The following PMS2 variants were observed in gnomAD, a reference collection of about 807,000 sequenced individuals.
The protein encoded by PMS2 is mismatch repair endonuclease PMS2.
A neutral mutation model predicts 90.0 loss-of-function variants in PMS2; 69 were observed. The ratio of observed to expected loss-of-function variants is 0.77; its 90% CI spans 0.63 to 0.94. The LOEUF is 0.94. Among genes scored for constraint, PMS2 ranks in the 40% least tolerant of loss-of-function variants. The pLI, the probability that PMS2 is intolerant of heterozygous loss-of-function variation, is 0.00. For synonymous variants in PMS2, 332 were observed against 375.1 expected, an observed-to-expected ratio of 0.89 and a Z score of 1.33; for missense variants, 966 against 1,040.2, an observed-to-expected ratio of 0.93 and a Z score of 0.98.
intron 4 of PMS2, 56 bp from the exon 5 acceptor site, chr7:6,002,692 C>G (rs1182103076): frequency 7.6e-7 from 1 of 1,312,752 alleles, no homozygotes; most frequent in African/African-American, 1.4e-5. Flanking sequence ...ATGTTGGGCA[C>G]TGACTACTCT....
At position 5,986,968 on chromosome 7, in the gene PMS2, G is replaced by A. The variant is rs1261280629; in HGVS notation, c.1797C>T (p.Asp599=). The part of the protein sequence containing the change: ...DICQKLVNTQ[D]MSASQVDVAV... ...CTACATCAACCTGAGAGGCTGACAT[G>A]TCCTGAGTATTTACTAACTTTTGAC... The change falls in exon 11 of 15, where the codon GAC becomes GAT. Residue 599 remains aspartate, a synonymous_variant. Coordinates refer to ENST00000265849, the MANE Select transcript of PMS2 (RefSeq NM_000535.7). 1 of 1,613,760 alleles carries A rather than the reference G, an allele frequency of 6.2e-7. No individual in the cohort carries two copies.
At chr7:5,994,332 A>C (rs936862635) in intron 8 of PMS2, among the ~76,000 whole-genome samples, 4 of 150,596 alleles carry the variant, frequency 2.7e-5, no homozygotes, top group African/African-American at 9.8e-5. Flanking sequence ...AGTGAGCCAA[A>C]ATCGCACCAT....
At chr7:5,988,975 C>A (rs541537115) in intron 10 of PMS2, among the ~76,000 whole-genome samples, 2 of 152,054 alleles carry the variant, frequency 1.3e-5, no homozygotes, top group Non-Finnish European at 2.9e-5. Flanking sequence ...CCTGAGTCAG[C>A]CTCCTGAGTA....
In PMS2 at chr7:5,999,420, G is replaced by A. The variant is rs1476001892; in HGVS notation, c.538-145C>T. The A allele has an allele frequency of 1.2e-5, 9 of 782,404 alleles. No individual in the cohort carries two copies. The African/African-American group carries it at 1.4e-4, about 12-fold the overall frequency. 48.5% of individuals were successfully genotyped at this position (782,404 alleles called of 1,614,324 possible). On this transcript the variant is annotated intron_variant, in intron 5 of 14. Transcript: ENST00000265849. ...TGTTGACAGAATGATCTGTAAAGAG[G>A]TGTCTTCCTATATTCTACAGAAAGG...
intron 2 of PMS2, among the ~76,000 whole-genome samples, chr7:6,005,069 T>C (rs1785577877): frequency 6.6e-6 from 1 of 152,132 alleles, no homozygotes; most frequent in African/African-American, 2.4e-5. Context: ...CACATCTGGC[T>C]AATTTTTGTA....
chr7:5,988,542 G>A (rs1199129872), intron 10 of PMS2, among the ~76,000 whole-genome samples: 2 of 152,044 alleles, frequency 1.3e-5, no homozygotes, highest in Non-Finnish European at 2.9e-5. Flanking sequence ...CAGCCTGGGC[G>A]ACAGAGTGAG....
chr7:5,998,786 T>C (rs892250062), intron 6 of PMS2, among the ~76,000 whole-genome samples: 1 of 151,622 alleles, frequency 6.6e-6, no homozygotes, highest in African/African-American at 2.4e-5. Context: ...GGTCAGGAAT[T>C]CGAGACCAGC....
chr7:6,002,002 T>TACAAATA (rs1335619531), intron 5 of PMS2: 5 of 151,144 alleles, frequency 3.3e-5, no homozygotes, highest in African/African-American at 1.2e-4. Flanking sequence ...CAAAAAAAGA[T>TACAAATA]AAAAATAAAA....
chr7:5,994,639 G>A (rs981738970), intron 8 of PMS2, among the ~76,000 whole-genome samples: 11 of 151,712 alleles, frequency 7.3e-5, no homozygotes, highest in Non-Finnish European at 1.0e-4. Flanking sequence ...AACCAGGCGT[G>A]GTGGCAGGCA....
intron 8 of PMS2, among the ~76,000 whole-genome samples, chr7:5,994,776 G>GA (rs920811078): frequency 1.6e-4 from 22 of 139,810 alleles, no homozygotes; most frequent in Admixed American, 5.1e-4. Flanking sequence ...CTCCGTCTCA[G>GA]AAAAAAAAAA....
At chr7:5,994,164 C>T (rs933019088) in intron 8 of PMS2, among the ~76,000 whole-genome samples, 27 of 151,868 alleles carry the variant, frequency 1.8e-4, no homozygotes, top group Non-Finnish European at 2.9e-5. Context: ...AGGCAGATCA[C>T]GAGGTCAGGA....
At chr7:5,992,709 G>A (rs1366244022) in intron 8 of PMS2, among the ~76,000 whole-genome samples, 2 of 152,094 alleles carry the variant, frequency 1.3e-5, no homozygotes, top group Non-Finnish European at 2.9e-5. Flanking sequence ...CATAAGTTTT[G>A]ACATATACAC....
intron 11 of PMS2, among the ~76,000 whole-genome samples, chr7:5,983,619 C>T (rs1283363015): frequency 6.6e-6 from 1 of 151,644 alleles, no homozygotes; most frequent in African/African-American, 2.4e-5. Context: ...AGTTTTCAGA[C>T]CTGTACACAT....
chr7:5,984,228 C>T (rs889110553), intron 11 of PMS2, among the ~76,000 whole-genome samples: 1 of 151,796 alleles, frequency 6.6e-6, no homozygotes, highest in African/African-American at 2.4e-5. Flanking sequence ...TCTGCCAATG[C>T]TGGATATCAA....
intron 5 of PMS2, 77 bp downstream of exon 5, chr7:6,002,376 G>A (rs1487850979): frequency 2.1e-6 from 2 of 930,296 alleles, no homozygotes; most frequent in African/African-American, 3.2e-5. Context: ...ATCAACTGAA[G>A]AATAAACATC....
chr7:5,994,534 G>C lies in PMS2; in HGVS notation c.903+1000C>G, dbSNP rs572256285. Among the ~76,000 whole-genome samples the C allele has an allele frequency of 2.6e-5, 4 of 152,208 alleles. No homozygotes were observed. In the South Asian group the frequency reaches 8.3e-4, roughly 32 times the overall value. ...CACACCTGTAATTCCAGCACTTTGG[G>C]AGGCCGAGGTGGGCGGATCACGAGG... On this transcript the variant is annotated intron_variant, in intron 8 of 14. Transcript: ENST00000265849.
intron 1 of PMS2, 56 bp downstream of exon 1, chr7:6,008,941 G>A (rs1786231331): frequency 5.0e-6 from 8 of 1,601,580 alleles, no homozygotes; most frequent in Admixed American, 1.7e-5. Flanking sequence ...GGAATGCCGT[G>A]GGTCTCAAAG....
At chr7:6,007,472 C>T (rs1785935278) in intron 1 of PMS2, among the ~76,000 whole-genome samples, 1 of 152,178 alleles carries the variant, frequency 6.6e-6, no homozygotes, top group Non-Finnish European at 1.5e-5. Flanking sequence ...TGAGACACTA[C>T]AGTGTATAAG....
intron 7 of PMS2, among the ~76,000 whole-genome samples, chr7:5,996,430 C>G (rs988543787): frequency 6.6e-6 from 1 of 151,778 alleles, no homozygotes; most frequent in Non-Finnish European, 1.5e-5. Context: ...TGGTGAACAC[C>G]TGTAGTCCCA....
Sources: allele counts gnomAD v4.1 joint callset (sites outside exome capture counted in the v4.1 genomes callset), GRCh38; gene constraint gnomAD v4.1.1; transcripts MANE v1.5; gene names NCBI Gene and HGNC (gene_info 2026-07-23, HGNC 2026-07-21).